COL17A1: variants seen among roughly 807,000 people sequenced by gnomAD.
COL17A1 encodes the protein collagen alpha-1(XVII) chain.
A neutral mutation model predicts 218.4 loss-of-function variants in COL17A1; 181 were observed. The ratio of observed to expected loss-of-function variants is 0.83; its 90% CI spans 0.73 to 0.94. The LOEUF (loss-of-function observed/expected upper bound fraction) is 0.94. Among genes scored for constraint, COL17A1 ranks in the 40% least tolerant of loss-of-function variants. The pLI is 0.00. For missense variants in COL17A1, 1,924 were observed against 1,945.9 expected (o/e 0.99, Z 0.21); for synonymous variants, 721 against 731.0 (o/e 0.99, Z 0.22).
chr10:104,049,408 C>T lies in COL17A1; in HGVS notation c.2227+1G>A, dbSNP rs1369102939. On this transcript the variant is annotated splice_donor_variant, in intron 29 of 55. Coordinates refer to ENST00000648076, the MANE Select transcript of COL17A1 (RefSeq NM_000494.4). LOFTEE classifies it high-confidence loss of function. Reference sequence around the variant, plus strand: ...TGAATCCATTCCTTTGGAACACTTACCCATTGCTCCTTTAGCCCCGGGCTC... The same window carrying T: ...TGAATCCATTCCTTTGGAACACTTATCCATTGCTCCTTTAGCCCCGGGCTC... The T allele has an allele frequency of 6.2e-7, 1 of 1,613,880 alleles. No homozygotes were observed.
Position 104,038,494 on chromosome 10 carries a change from C to T in COL17A1, c.2982G>A (p.Pro994=), listed in dbSNP as rs372181801. 1.4e-4 allele frequency: 230 copies of T among 1,613,412 alleles called. No individual in the cohort carries two copies. Among genetic ancestry groups the T allele is most frequent in the Non-Finnish European group, 1.8e-4 (217 of 1,179,914 alleles). ...GSSSTMYVSG[P]PGPPGPPGPP... is the part of the protein sequence containing the mutation. ...GCCCAGGGGGCCCAGGGGGCCCTGGCGGGCCTGACACGTACATGGTACTTG... is the reference window on the plus strand; with the variant it reads ...GCCCAGGGGGCCCAGGGGGCCCTGGTGGGCCTGACACGTACATGGTACTTG... Residue 994 remains proline (P), a synonymous_variant, in exon 45 of 56, where the codon CCG becomes CCA. Coordinates refer to ENST00000648076, the MANE Select transcript of COL17A1 (RefSeq NM_000494.4).
intron 45 of COL17A1, among the ~76,000 whole-genome samples, 175 bp downstream of exon 45, chr10:104,038,231 T>TACACACACACACACACAC (rs59808906): frequency 2.1e-5 from 3 of 142,004 alleles, no homozygotes; most frequent in African/African-American, 7.9e-5. Context: ...TAGACACACA[T>TACACACACACACACACAC]ACACACACAC....
In COL17A1 at chr10:104,036,984, C is replaced by T. The variant is rs549499263; in HGVS notation, c.3277+61G>A. The T allele has an allele frequency of 8.1e-6, 12 of 1,473,288 alleles. No homozygotes were observed. The South Asian group carries it at 8.4e-5, about 10-fold the overall frequency. 91.3% of individuals were successfully genotyped at this position (1,473,288 alleles called of 1,614,324 possible). A position where few individuals can be genotyped will look rare whatever the true frequency, so the allele number is the denominator to read the frequency against. On this transcript the variant is annotated intron_variant, in intron 47 of 55. Transcript: ENST00000648076. ...TCAGACGAGGACAAGGTTTGCATGA[C>T]GAGTGAGGCCAGGAGAAAGCAAAGA...
intron 41 of COL17A1, 93 bp downstream of exon 41, chr10:104,039,880 G>A: frequency 6.5e-7 from 1 of 1,539,178 alleles, no homozygotes; most frequent in Non-Finnish European, 9.0e-7. Flanking sequence ...TTTGCACCAG[G>A]TGCCTTTCTA....
chr10:104,040,444 C>G lies in COL17A1; in HGVS notation c.2702-34G>C, dbSNP rs761507515. ...GAAGGAAATAGTTTGAGTATGGACA[C>G]TGATGTTTGTGAAGAAGCAGCACTT... On this transcript the variant is annotated intron_variant, in intron 39 of 55. Coordinates refer to ENST00000648076, the MANE Select transcript of COL17A1 (RefSeq NM_000494.4). The G allele has an allele frequency of 2.7e-6, 4 of 1,468,858 alleles. No individual in the cohort carries two copies. In the Admixed American group the frequency reaches 6.7e-5, roughly 25 times the overall value. The allele number at this position is 1,468,858 out of a possible 1,614,324, so 91.0% of individuals were successfully genotyped here. A position where few individuals can be genotyped will look rare whatever the true frequency, so the allele number is the denominator to read the frequency against.
At position 104,061,399 on chromosome 10, in the gene COL17A1, A is replaced by G. The variant is rs777795265; in HGVS notation, c.979+6T>C. 6.2e-7 allele frequency: 1 copy of G among 1,612,946 alleles called. No individual in the cohort carries two copies. The highest frequency in any genetic ancestry group is 1.1e-5 in the South Asian group (1 of 91,018). ...CTGAACCCTGGCAGCTGGGAGCAGC[A>G]CTCACCGGCGGAGGTGGAAACGCCA... On this transcript the variant is annotated splice_donor_region_variant and intron_variant, in intron 13 of 55. Coordinates refer to ENST00000648076, the MANE Select transcript of COL17A1 (RefSeq NM_000494.4).
chr10:104,052,237 T>C lies in COL17A1; in HGVS notation c.1940-20A>G. 1 of 1,614,094 alleles carries C rather than the reference T, an allele frequency of 6.2e-7. No homozygotes were observed. The highest frequency in any genetic ancestry group is 1.3e-5 in the African/African-American group (1 of 75,032). On this transcript the variant is annotated intron_variant, in intron 23 of 55. Transcript: ENST00000648076. ...CAGCCCCTGAGGAGAAATGGAGGGATGAGCACTTTGGGAGAGGCCCCAGTG... is the reference window on the plus strand; with the variant it reads ...CAGCCCCTGAGGAGAAATGGAGGGACGAGCACTTTGGGAGAGGCCCCAGTG...
intron 35 of COL17A1, among the ~76,000 whole-genome samples, chr10:104,042,662 G>T (rs1388174786): frequency 6.6e-6 from 1 of 152,210 alleles, no homozygotes; most frequent in African/African-American, 2.4e-5. Flanking sequence ...GGGCAGGCGG[G>T]ACTGCCCCCT....
chr10:104,068,900 G>A (rs2476960), intron 9 of COL17A1, among the ~76,000 whole-genome samples: 91,021 of 151,104 alleles, frequency 0.6, 29,116 homozygotes, highest in Non-Finnish European at 0.7. Context: ...CTCAAACTGA[G>A]GATGGGAGGT....
rs1268340617 is a variant in COL17A1, at chr10:104,035,576, T to C, written c.3419-13A>G. On this transcript the variant is annotated splice_polypyrimidine_tract_variant and intron_variant, in intron 48 of 55. Coordinates refer to ENST00000648076, the MANE Select transcript of COL17A1 (RefSeq NM_000494.4). ...CTGATCCCAGAACCTAGGGAGGTGA[T>C]GGATTCAGATCAGGCAGGGGGAGGC... is the stretch of plus-strand genomic sequence containing the variant. The C allele has an allele frequency of 6.2e-7, 1 of 1,609,158 alleles. No homozygotes were observed. Among genetic ancestry groups the C allele is most frequent in the South Asian group, 1.1e-5 (1 of 90,598 alleles).
intron 38 of COL17A1, 40 bp downstream of exon 38, chr10:104,041,263 C>T (rs772771236): frequency 1.9e-6 from 3 of 1,600,050 alleles, no homozygotes; most frequent in Non-Finnish European, 2.6e-6. Context: ...CCACCTCTCA[C>T]CTCCCCCTCC....
chr10:104,059,422 T>C (rs2086561137), intron 15 of COL17A1: 3 of 604,286 alleles, frequency 5.0e-6, no homozygotes, highest in Non-Finnish European at 8.9e-6. Flanking sequence ...GCTTCAGTAA[T>C]GCAAATGCAA....
intron 17 of COL17A1, among the ~76,000 whole-genome samples, 189 bp downstream of exon 17, chr10:104,056,786 A>G (rs140118830): frequency 7.9e-5 from 12 of 152,294 alleles, no homozygotes; most frequent in Non-Finnish European, 1.6e-4. Flanking sequence ...AAGTGGCAGC[A>G]TGTCCTTGGC....
rs772233637 is a variant in COL17A1, at chr10:104,032,768, TG to T, written c.4358-15del. 6.2e-6 allele frequency: 10 copies of T among 1,613,930 alleles called. No homozygotes were observed. The South Asian group carries it at 8.8e-5, about 14-fold the overall frequency. On this transcript the variant is annotated splice_polypyrimidine_tract_variant and intron_variant, in intron 54 of 55. Transcript: ENST00000648076. ...GGCCCCTGTCACCTGGAAGGAAAAATGGGGCGTAACTAAGTAATACATGAGT... is the reference window on the plus strand; with the variant it reads ...GGCCCCTGTCACCTGGAAGGAAAAATGGGCGTAACTAAGTAATACATGAGT...
At chr10:104,051,835 G>T (rs540118096) in intron 24 of COL17A1, among the ~76,000 whole-genome samples, 1 of 152,284 alleles carries the variant, frequency 6.6e-6, no homozygotes, top group East Asian at 1.9e-4. Context: ...CATCTGGGCC[G>T]CAGTCAGTCA....
At chr10:104,034,517 T>G (rs1460758077) in intron 51 of COL17A1, 104 bp downstream of exon 51, 7 of 1,530,086 alleles carry the variant, frequency 4.6e-6, no homozygotes, top group Non-Finnish European at 6.2e-6. Context: ...CACCAGTGGC[T>G]CTCGTGTGGC....
intron 37 of COL17A1, 32 bp from the exon 38 acceptor site, chr10:104,041,376 G>C (rs1432657333): frequency 6.2e-7 from 1 of 1,607,054 alleles, no homozygotes; most frequent in East Asian, 2.2e-5. Flanking sequence ...AGGCCATGCT[G>C]AGCTCAGGGA....
chr10:104,051,379 T>A, intron 25 of COL17A1, 102 bp downstream of exon 25: 1 of 1,458,448 alleles, frequency 6.9e-7, no homozygotes, highest in Non-Finnish European at 9.5e-7. Flanking sequence ...GGAGGCTTGC[T>A]TTATAATTGC....
chr10:104,052,084 TCTC>T, intron 24 of COL17A1, 68 bp downstream of exon 24: 1 of 1,607,224 alleles, frequency 6.2e-7, no homozygotes. Flanking sequence ...CAGGGCCTCT[TCTC>T]TGTGATCCAT....
Sources: allele counts gnomAD v4.1 joint callset (sites outside exome capture counted in the v4.1 genomes callset), GRCh38; gene constraint gnomAD v4.1.1; transcripts MANE v1.5; gene names NCBI Gene and HGNC (gene_info 2026-07-23, HGNC 2026-07-21).